The following FBXO34 variants were observed in gnomAD, a reference collection of about 807,000 sequenced individuals.
FBXO34 encodes the protein F-box only protein 34.
Under a neutral mutation model 24.5 loss-of-function variants are expected in FBXO34, and 12 were observed. The observed-to-expected ratio is 0.49, with a 90% CI of 0.31 to 0.79. The LOEUF is 0.79. Ranked by LOEUF, FBXO34 falls within the 30% of genes least tolerant of loss-of-function variation. The pLI is 0.04. For synonymous variants in FBXO34, 320 were observed against 311.9 expected (o/e 1.03, Z -0.27); for missense variants, 823 against 857.7 (o/e 0.96, Z 0.51).
intron 1 of FBXO34, among the ~76,000 whole-genome samples, chr14:55,306,726 G>T (rs146226036): frequency 0.058 from 8,840 of 152,234 alleles, 326 homozygotes; most frequent in South Asian, 0.09. Context: ...CCAGCTGTTC[G>T]GGAGGCTGAG....
At chr14:55,275,907 T>G (rs1238693103) in intron 1 of FBXO34, among the ~76,000 whole-genome samples, 1 of 150,664 alleles carries the variant, frequency 6.6e-6, no homozygotes, top group African/African-American at 2.4e-5. Flanking sequence ...TAAGGAGGTA[T>G]TAGAAACTCA....
chr14:55,298,928 G>C (rs1479746232), intron 1 of FBXO34: 20 of 1,580,190 alleles, frequency 1.3e-5, no homozygotes, highest in Non-Finnish European at 1.7e-5. Flanking sequence ...AGGTGCTCAA[G>C]AACATGGGCT....
chr14:55,370,932 C>T (rs1167059471), downstream of FBXO34, among the ~76,000 whole-genome samples: 1 of 152,136 alleles, frequency 6.6e-6, no homozygotes, highest in Admixed American at 6.5e-5. Flanking sequence ...TGAGCCACCA[C>T]GCCCGGCCGC....
At chr14:55,340,789 T>C (rs1883965921) in intron 1 of FBXO34, among the ~76,000 whole-genome samples, 1 of 152,184 alleles carries the variant, frequency 6.6e-6, no homozygotes, top group African/African-American at 2.4e-5. Flanking sequence ...TCAAATGTTA[T>C]TTGACACATA....
At chr14:55,348,057 A>G (rs1377756046) in intron 1 of FBXO34, among the ~76,000 whole-genome samples, 1 of 152,182 alleles carries the variant, frequency 6.6e-6, no homozygotes, top group East Asian at 1.9e-4. Context: ...CTCTATTTGT[A>G]AGACTATACA....
At position 55,271,429 on chromosome 14, in the gene FBXO34, C is replaced by G. The variant is rs1277600854; in HGVS notation, c.-119C>G. On this transcript the variant is annotated 5_prime_UTR_variant, in exon 1 of 2. Transcript: ENST00000313833. ...GCCGCGCCGCGCTGGGTGCTCGGTC[C>G]GACTCAGCGGTGGGGAGTGAGCCAG... 3 of 152,248 alleles carry G rather than the reference C, an allele frequency of 2.0e-5. No individual in the cohort carries two copies. Among genetic ancestry groups the G allele is most frequent in the African/African-American group, 7.2e-5 (3 of 41,532 alleles). The allele number at this position is 152,248 out of a possible 1,614,324, so 9.4% of individuals were successfully genotyped here. A position where few individuals can be genotyped will look rare whatever the true frequency, so the allele number is the denominator to read the frequency against.
chr14:55,437,012 G>A, the FBXO34 span: 2 of 1,612,942 alleles, frequency 1.2e-6, no homozygotes, highest in East Asian at 2.2e-5. Flanking sequence ...GGTGGGGCAA[G>A]GCCATCCTAG....
intron 1 of FBXO34, among the ~76,000 whole-genome samples, chr14:55,330,657 G>A (rs1883502776): frequency 6.6e-6 from 1 of 152,024 alleles, no homozygotes; most frequent in Admixed American, 6.6e-5. Flanking sequence ...TGGGAGTGGT[G>A]GTATATGCTT....
downstream of FBXO34, chr14:55,366,471 G>A (rs1336958286): frequency 1.3e-5 from 2 of 152,634 alleles, no homozygotes; most frequent in African/African-American, 4.8e-5. Flanking sequence ...GGAAGTTGCA[G>A]AGCAATGGGG....
the FBXO34 span, chr14:55,411,830 T>C: frequency 2.5e-6 from 4 of 1,582,482 alleles, no homozygotes; most frequent in Non-Finnish European, 3.4e-6. Context: ...CATGATGGCC[T>C]GAGAGGAGAG....
chr14:55,326,881 G>C (rs186517423), intron 1 of FBXO34, among the ~76,000 whole-genome samples: 1 of 152,176 alleles, frequency 6.6e-6, no homozygotes, highest in East Asian at 1.9e-4. Flanking sequence ...TAAAACAGCT[G>C]GTATAATTTT....
the FBXO34 span, among the ~76,000 whole-genome samples, chr14:55,428,119 CTTTTTTT>C: frequency 2.1e-4 from 9 of 43,356 alleles, no homozygotes; most frequent in South Asian, 5.4e-3. Context: ...CATGCCTTAT[CTTTTTTT>C]TTTTTTTTTT....
At chr14:55,362,894 A>G (rs1406538593), downstream of FBXO34, among the ~76,000 whole-genome samples, 2 of 152,266 alleles carry the variant, frequency 1.3e-5, no homozygotes, top group Admixed American at 6.5e-5. Context: ...TCTTTCCTCA[A>G]AATCCGGGTG....
intron 1 of FBXO34, among the ~76,000 whole-genome samples, chr14:55,275,361 C>G (rs188753975): frequency 6.6e-6 from 1 of 152,318 alleles, no homozygotes; most frequent in Admixed American, 6.5e-5. Context: ...GGATTTCATT[C>G]ATCCAGCAAA....
chr14:55,326,369 G>A (rs1883343693), intron 1 of FBXO34, among the ~76,000 whole-genome samples: 1 of 152,200 alleles, frequency 6.6e-6, no homozygotes, highest in Non-Finnish European at 1.5e-5. Context: ...CGGCCGAGTT[G>A]CCTAGGTGAG....
intron 1 of FBXO34, among the ~76,000 whole-genome samples, chr14:55,341,676 G>A (rs936572988): frequency 3.3e-5 from 5 of 152,108 alleles, no homozygotes; most frequent in African/African-American, 1.2e-4. Flanking sequence ...AACTTTTTAT[G>A]AGGTTTCATC....
At chr14:55,438,614 C>T in the FBXO34 span, among the ~76,000 whole-genome samples, 1 of 152,174 alleles carries the variant, frequency 6.6e-6, no homozygotes, top group Admixed American at 6.5e-5. Context: ...GCTACACGTA[C>T]ACAAGAATGT....
At chr14:55,316,081 G>A (rs1882917238) in intron 1 of FBXO34, among the ~76,000 whole-genome samples, 1 of 151,834 alleles carries the variant, frequency 6.6e-6, no homozygotes, top group Admixed American at 6.6e-5. Context: ...GCTTGTGCTT[G>A]CCCTGTATCA....
the FBXO34 span, among the ~76,000 whole-genome samples, chr14:55,401,431 T>C: frequency 2.0e-5 from 3 of 152,236 alleles, no homozygotes; most frequent in Non-Finnish European, 4.4e-5. Flanking sequence ...ACACTAGTTT[T>C]TGTGCTGTTT....
Sources: allele counts gnomAD v4.1 joint callset (sites outside exome capture counted in the v4.1 genomes callset), GRCh38; gene constraint gnomAD v4.1.1; transcripts MANE v1.5; gene names NCBI Gene and HGNC (gene_info 2026-07-23, HGNC 2026-07-21).